Variants in MYO1E observed in about 807,000 individuals in gnomAD.
MYO1E encodes myosin IE.
Under a neutral mutation model 151.1 loss-of-function variants are expected in MYO1E, and 68 were observed. The ratio of observed to expected loss-of-function variants is 0.45; its 90% CI spans 0.37 to 0.55. The LOEUF (loss-of-function observed/expected upper bound fraction) is 0.55. MYO1E is among the 20% of genes least tolerant of loss of function. MYO1E has a pLI of 0.00. For missense variants in MYO1E, 1,363 were observed against 1,389.3 expected (o/e 0.98, Z 0.30); for synonymous variants, 601 against 501.7 (o/e 1.20, Z -2.64).
chr15:59,179,696 T>C (rs1442924755), intron 18 of MYO1E, among the ~76,000 whole-genome samples: 2 of 152,248 alleles, frequency 1.3e-5, no homozygotes, highest in Non-Finnish European at 2.9e-5. Context: ...TCTTTCATGA[T>C]GGCACTGTAA....
chr15:59,201,640 G>A (rs1237484411), intron 16 of MYO1E, among the ~76,000 whole-genome samples: 8 of 152,126 alleles, frequency 5.3e-5, no homozygotes, highest in African/African-American at 1.9e-4. Flanking sequence ...CTGACCTCAG[G>A]TGATCCACCC....
chr15:59,176,076 C>T (rs1453192139), intron 19 of MYO1E, among the ~76,000 whole-genome samples: 7 of 144,556 alleles, frequency 4.8e-5, no homozygotes, highest in Non-Finnish European at 6.2e-5. Context: ...TGTTGTTTTC[C>T]GAGGCAGAGT....
intron 5 of MYO1E, among the ~76,000 whole-genome samples, chr15:59,235,623 T>C (rs1246488119): frequency 1.3e-5 from 2 of 152,232 alleles, no homozygotes; most frequent in African/African-American, 4.8e-5. Context: ...ATTACCAAAA[T>C]TGACAGAAAT....
At chr15:59,371,877 C>G (rs2080947321) in intron 1 of MYO1E, among the ~76,000 whole-genome samples, 1 of 151,420 alleles carries the variant, frequency 6.6e-6, no homozygotes, top group Non-Finnish European at 1.5e-5. Context: ...GACAGCCCGC[C>G]GGCCGCCAGG....
At chr15:59,359,517 A>G (rs2080874043) in intron 1 of MYO1E, 1 of 152,110 alleles carries the variant, frequency 6.6e-6, no homozygotes, top group South Asian at 2.1e-4. Context: ...GCGGTGGCTC[A>G]CACCTGTAAT....
intron 1 of MYO1E, among the ~76,000 whole-genome samples, chr15:59,347,674 C>T (rs1230262041): frequency 2.6e-5 from 4 of 152,042 alleles, no homozygotes; most frequent in South Asian, 2.1e-4. Context: ...AGGCTAGAAA[C>T]ATATGATAGA....
chr15:59,354,031 C>A (rs1163113657), intron 1 of MYO1E, among the ~76,000 whole-genome samples: 1 of 152,120 alleles, frequency 6.6e-6, no homozygotes, highest in Non-Finnish European at 1.5e-5. Context: ...CTAAGAAAAA[C>A]CCCCATTTGG....
chr15:59,260,244 C>T (rs1031575444), intron 3 of MYO1E, among the ~76,000 whole-genome samples: 6 of 152,214 alleles, frequency 3.9e-5, no homozygotes, highest in Non-Finnish European at 5.9e-5. Context: ...CAGCTCTGTG[C>T]GCCTGCTGAT....
intron 4 of MYO1E, among the ~76,000 whole-genome samples, chr15:59,246,225 C>T (rs1357827305): frequency 2.0e-5 from 3 of 152,110 alleles, no homozygotes; most frequent in African/African-American, 7.2e-5. Context: ...TCAAGTGATT[C>T]TCCTGCCTCA....
At position 59,138,295 on chromosome 15, in the gene MYO1E, AGGCTTGGGCTTGGGCTGG is replaced by A; in HGVS notation, c.3135_3152del (p.Pro1047_Gln1052del). 1.2e-6 allele frequency: 2 copies of A among 1,614,184 alleles called. No homozygotes were observed. The highest frequency in any genetic ancestry group is 1.7e-6 in the Non-Finnish European group (2 of 1,180,042). ...ACAAAGCCTTGCACTGTGGCACCTG[AGGCTTGGGCTTGGGCTGG>A]GGCTTGGGTCTGCCCCCTGCTGGGG... On this transcript the variant is annotated inframe_deletion, in exon 27 of 28. Transcript: ENST00000288235.
chr15:59,170,532 CAGTGAGCTGAATGTTT>C (rs1200443009), intron 22 of MYO1E, among the ~76,000 whole-genome samples: 1 of 151,742 alleles, frequency 6.6e-6, no homozygotes, highest in African/African-American at 2.4e-5. Context: ...GGGACCCAGC[CAGTGAGCTGAATGTTT>C]AGGAAGGCCT....
intron 1 of MYO1E, among the ~76,000 whole-genome samples, chr15:59,313,067 G>T (rs2080562814): frequency 6.6e-6 from 1 of 152,150 alleles, no homozygotes; most frequent in Admixed American, 6.5e-5. Flanking sequence ...AGCAATCTGT[G>T]CTTTAACAAG....
At chr15:59,152,003 G>A (rs1414689447) in intron 26 of MYO1E, among the ~76,000 whole-genome samples, 4 of 151,898 alleles carry the variant, frequency 2.6e-5, no homozygotes, top group Admixed American at 6.6e-5. Flanking sequence ...GGGAGGCAGA[G>A]ATTGCAGTGA....
rs577134955 is a variant in MYO1E, at chr15:59,194,077, G to T, written c.1805+1384C>A. On this transcript the variant is annotated intron_variant, in intron 17 of 27. Transcript: ENST00000288235. ...TAATCTCAACTACTCAGGAGGCTGA[G>T]GCAGGAGAATCACTGGAAACCGGGA... 2.0e-5 allele frequency among the ~76,000 whole-genome samples: 3 copies of T among 152,178 alleles called. No individual in the cohort carries two copies. In the South Asian group the frequency reaches 6.2e-4, roughly 32 times the overall value.
intron 1 of MYO1E, among the ~76,000 whole-genome samples, chr15:59,329,342 C>T (rs1363697908): frequency 1.3e-5 from 2 of 152,128 alleles, no homozygotes; most frequent in African/African-American, 4.8e-5. Flanking sequence ...AAGGACTTAC[C>T]TAACGTGCCA....
At chr15:59,372,074 A>T in intron 1 of MYO1E, among the ~76,000 whole-genome samples, 1 of 149,164 alleles carries the variant, frequency 6.7e-6, no homozygotes, top group African/African-American at 2.4e-5. Flanking sequence ...CGGGGCGGGC[A>T]CGGCCGCGGG....
chr15:59,244,044 T>A (rs1488055799), intron 4 of MYO1E, among the ~76,000 whole-genome samples: 1 of 152,190 alleles, frequency 6.6e-6, no homozygotes, highest in African/African-American at 2.4e-5. Context: ...CCATGGCTAA[T>A]GGTATAAAAG....
chr15:59,268,718 G>GTTTTTTTTTTTTTT (rs1452818863), intron 2 of MYO1E, among the ~76,000 whole-genome samples: 10 of 12,040 alleles, frequency 8.3e-4, no homozygotes, highest in Non-Finnish European at 1.2e-3. Context: ...GGTGACTTTG[G>GTTTTTTTTTTTTTT]TATTTTTTTT....
intron 1 of MYO1E, among the ~76,000 whole-genome samples, chr15:59,334,104 C>A (rs964242885): frequency 7.2e-5 from 11 of 152,066 alleles, no homozygotes; most frequent in Non-Finnish European, 1.6e-4. Context: ...AACATAGTGA[C>A]ACTCCATCTG....
Sources: gnomAD v4.1 joint callset for allele counts (sites outside exome capture counted in the v4.1 genomes callset) on GRCh38, gnomAD v4.1.1 for gene constraint, MANE v1.5 for transcripts, NCBI Gene and HGNC (gene_info 2026-07-23, HGNC 2026-07-21) for gene names.